The following PACS2 variants were observed in gnomAD, a reference collection of about 807,000 sequenced individuals.
PACS2 encodes phosphofurin acidic cluster sorting protein 2, also known as PACS1-like protein.
PACS2 carries 36 observed loss-of-function variants against 113.0 expected under a neutral mutation model. The observed-to-expected ratio is 0.32, with a 90% CI of 0.24 to 0.42. PACS2 has a LOEUF of 0.42. Ranked by LOEUF, PACS2 falls within the 10% of genes least tolerant of loss-of-function variation. The pLI is 1.00. For missense variants in PACS2, 1,015 were observed against 1,239.5 expected (o/e 0.82, Z 2.72); for synonymous variants, 589 against 536.1 (o/e 1.10, Z -1.36).
chr14:105,382,783 C>T, intron 14 of PACS2, 24 bp from the exon 15 acceptor site: 1 of 1,480,828 alleles, frequency 6.8e-7, no homozygotes, highest in Non-Finnish European at 9.3e-7. Context: ...GTGCCGAAGT[C>T]AGCGTCTGCC....
intron 4 of PACS2, among the ~76,000 whole-genome samples, chr14:105,362,899 T>G (rs2060786288): frequency 6.6e-6 from 1 of 152,124 alleles, no homozygotes; most frequent in African/African-American, 2.4e-5. Context: ...ATGCATGGGC[T>G]GCCTGATGGA....
chr14:105,367,164 G>A (rs369879837), intron 4 of PACS2, 49 bp from the exon 5 acceptor site: 2 of 1,573,390 alleles, frequency 1.3e-6, no homozygotes, highest in East Asian at 2.3e-5. Context: ...AGGGCACCGG[G>A]GCTCCTTCCC....
chr14:105,380,873 C>T (rs374621443), intron 11 of PACS2, 84 bp from the exon 12 acceptor site: 1 of 1,381,606 alleles, frequency 7.2e-7, no homozygotes, highest in Non-Finnish European at 9.8e-7. Context: ...AAACCCTCAC[C>T]CGAGCCAGAG....
intron 9 of PACS2, 29 bp from the exon 10 acceptor site, chr14:105,379,710 G>A (rs375682018): frequency 7.0e-6 from 11 of 1,578,770 alleles, no homozygotes; most frequent in African/African-American, 2.7e-5. Context: ...GGAAATTAAC[G>A]TGTCCCCCAC....
At chr14:105,344,591 G>A (rs2059850995) in intron 1 of PACS2, among the ~76,000 whole-genome samples, 2 of 152,156 alleles carry the variant, frequency 1.3e-5, no homozygotes, top group Non-Finnish European at 1.5e-5. Flanking sequence ...CCAGTAGTCT[G>A]TAAGGTCTGT....
At chr14:105,368,003 G>A in intron 5 of PACS2, 71 bp from the exon 6 acceptor site, 3 of 967,546 alleles carry the variant, frequency 3.1e-6, no homozygotes, top group Non-Finnish European at 5.0e-6. Flanking sequence ...AGGGAAGCCT[G>A]GGGGTGGTCA....
intron 1 of PACS2, among the ~76,000 whole-genome samples, chr14:105,328,732 G>A (rs1022287046): frequency 2.0e-5 from 3 of 152,188 alleles, no homozygotes; most frequent in African/African-American, 7.2e-5. Context: ...GCGTCATTAG[G>A]ATTTCCAACT....
rs1349660211 is a variant in PACS2, at chr14:105,317,931, A to G, written c.119+2894A>G. 6.6e-6 allele frequency among the ~76,000 whole-genome samples: 1 copy of G among 152,128 alleles called. No individual in the cohort carries two copies. Among genetic ancestry groups the G allele is most frequent in the Non-Finnish European group, 1.5e-5 (1 of 68,024 alleles). On this transcript the variant is annotated intron_variant, in intron 1 of 24. Coordinates refer to ENST00000447393, the MANE Select transcript of PACS2 (RefSeq NM_001100913.3). This position sits in a 1 kb window ranked among gnomAD's most constrained non-coding sequence, Gnocchi z 4.2. ...GGTTTCCTTGCGACGCTTTTGGCTCAGCACTGTTACACACGGTGCTCCTAG... is the reference window on the plus strand; with the variant it reads ...GGTTTCCTTGCGACGCTTTTGGCTCGGCACTGTTACACACGGTGCTCCTAG...
In PACS2 at chr14:105,368,583, C is replaced by T. The variant is rs1396997990; in HGVS notation, c.741+44C>T. On this transcript the variant is annotated intron_variant, in intron 7 of 24. Transcript: ENST00000447393. ...TATGAATGCTGGGGAAGGCGAGGGT[C>T]GGGGAGGACGCTGGGAGCCTGGGCG... The T allele has an allele frequency of 6.7e-6, 10 of 1,485,878 alleles. No individual in the cohort carries two copies. The East Asian group carries it at 1.8e-4, about 27-fold the overall frequency. The allele number at this position is 1,485,878 out of a possible 1,614,324, so 92.0% of individuals were successfully genotyped here.
At chr14:105,385,963 G>C (rs1481164664) in intron 19 of PACS2, among the ~76,000 whole-genome samples, 4 of 152,246 alleles carry the variant, frequency 2.6e-5, no homozygotes, top group Non-Finnish European at 4.4e-5. Flanking sequence ...CAGGAGAGCA[G>C]CAGATGGGCC....
At chr14:105,382,778 G>T (rs782540064) in intron 14 of PACS2, 29 bp from the exon 15 acceptor site, 2 of 1,444,216 alleles carry the variant, frequency 1.4e-6, no homozygotes, top group South Asian at 2.4e-5. Flanking sequence ...CGGCTGTGCC[G>T]AAGTCAGCGT....
At chr14:105,316,614 G>A (rs1474725919) in intron 1 of PACS2, among the ~76,000 whole-genome samples, 1 of 152,228 alleles carries the variant, frequency 6.6e-6, no homozygotes, top group Non-Finnish European at 1.5e-5. Context: ...CGTGTGGCAG[G>A]AGGGGCCGGG....
Position 105,376,802 on chromosome 14 carries a change from T to C in PACS2, c.836T>C (p.Ile279Thr). ...TCGGAGCAGGACCCTGCGGAGCACA[T>C]CCCCGAGGCAGAGGAGGACCTGGAC... ...LDSEQDPAEH[I>T]PEAEEDLDLL... Residue 279 changes from isoleucine to threonine, a missense_variant, in exon 9 of 25, where the codon ATC becomes ACC. Physicochemically the swap from Ile to Thr is moderately conservative, Grantham distance 89 (BLOSUM62 -1). Around this residue, in one of 3 missense-constraint regions of PACS2, gnomAD observed 859 missense variants for 1,056.8 expected, o/e 0.81. Transcript: ENST00000447393. This position sits in a 1 kb window ranked among gnomAD's most constrained non-coding sequence, Gnocchi z 4.7. 6.2e-7 allele frequency: 1 copy of C among 1,612,958 alleles called. No individual in the cohort carries two copies. Among genetic ancestry groups the C allele is most frequent in the South Asian group, 1.1e-5 (1 of 91,072 alleles).
intron 8 of PACS2, 175 bp downstream of exon 8, chr14:105,370,075 G>A (rs2061095125): frequency 1.7e-6 from 1 of 588,390 alleles, no homozygotes; most frequent in South Asian, 2.1e-5. Flanking sequence ...TGCCTCCCGG[G>A]CTCCAGGTCA....
intron 8 of PACS2, among the ~76,000 whole-genome samples, chr14:105,374,257 A>G (rs2061263592): frequency 1.3e-5 from 2 of 152,162 alleles, no homozygotes; most frequent in African/African-American, 4.8e-5. Flanking sequence ...ACCTTGGGTT[A>G]GGCAGGGGTT....
In PACS2 at chr14:105,391,735, CCGT is replaced by C; in HGVS notation, c.2227_2229del (p.Ser743del). ...GGCCTCACCCACCCCGCCCTCCTCC[CCGT>C]CGGTGAGCGGAGGCCTGTCCTCCCC... On this transcript the variant is annotated inframe_deletion, in exon 22 of 25. Transcript: ENST00000447393. 4.4e-6 allele frequency: 7 copies of C among 1,597,196 alleles called. No individual in the cohort carries two copies. The highest frequency in any genetic ancestry group is 6.0e-6 in the Non-Finnish European group (7 of 1,172,654).
At chr14:105,351,800 G>A (rs977181665) in intron 2 of PACS2, among the ~76,000 whole-genome samples, 1 of 152,102 alleles carries the variant, frequency 6.6e-6, no homozygotes, top group African/African-American at 2.4e-5. Context: ...AGTTGAGATC[G>A]AGCCACTGCC....
In PACS2 at chr14:105,376,661, T is replaced by C; in HGVS notation, c.802-107T>C. The C allele has an allele frequency of 1.9e-6, 2 of 1,029,726 alleles. No individual in the cohort carries two copies. The highest frequency in any genetic ancestry group is 2.8e-6 in the Non-Finnish European group (2 of 704,258). The allele number at this position is 1,029,726 out of a possible 1,614,324, so 63.8% of individuals were successfully genotyped here. On this transcript the variant is annotated intron_variant, in intron 8 of 24. Coordinates refer to ENST00000447393, the MANE Select transcript of PACS2 (RefSeq NM_001100913.3). The surrounding 1 kb of genome is among the most constrained non-coding windows in gnomAD (Gnocchi z 4.7). ...GTGCTGAGTGGAGGGGTTTGGTGGC[T>C]GGGTGCCCGCCTCCTATTGCTCCTG...
At position 105,382,509 on chromosome 14, in the gene PACS2, C is replaced by T. The variant is rs142273070; in HGVS notation, c.1446C>T (p.Asn482=). 291 of 1,612,064 alleles carry T rather than the reference C, an allele frequency of 1.8e-4. No homozygotes were observed. The highest frequency in any genetic ancestry group is 2.3e-4 in the Non-Finnish European group (274 of 1,178,122). ...GGAAGACTGTGTATGACCAGCTCAA[C>T]CACATCCTCATCTCCGATGACCAGC... ...IPRKTVYDQL[N]HILISDDQLP... The change falls in exon 14 of 25, where the codon AAC becomes AAT. Residue 482 remains asparagine (N), a synonymous_variant. Coordinates refer to ENST00000447393, the MANE Select transcript of PACS2 (RefSeq NM_001100913.3).
Sources: allele counts gnomAD v4.1 joint callset (sites outside exome capture counted in the v4.1 genomes callset), GRCh38; gene constraint gnomAD v4.1.1; regional missense constraint gnomAD v4.1.1; non-coding constraint Gnocchi (gnomAD v3.1); transcripts MANE v1.5; gene names NCBI Gene and HGNC (gene_info 2026-07-23, HGNC 2026-07-21).